The following HTT variants were observed in gnomAD, a reference collection of about 807,000 sequenced individuals.
HTT encodes the protein huntington disease protein.
HTT carries 104 observed loss-of-function variants against 362.3 expected under a neutral mutation model. That is an observed-to-expected ratio of 0.29 (90% CI 0.24 to 0.34). HTT has a LOEUF of 0.34. Ranked by LOEUF, HTT falls within the 10% of genes least tolerant of loss-of-function variation. HTT has a pLI of 1.00. For synonymous variants in HTT, 1,577 were observed against 1,548.7 expected (o/e 1.02, Z -0.43); for missense variants, 3,301 against 3,928.6 (o/e 0.84, Z 4.27).
At chr4:3,239,799 C>T (rs1460735862) in intron 66 of HTT, 47 bp from the exon 67 acceptor site, 1 of 1,401,440 alleles carries the variant, frequency 7.1e-7, no homozygotes, top group Non-Finnish European at 9.9e-7. Context: ...GACAGGGAGG[C>T]AGCATTCCCC....
chr4:3,121,649 G>T (rs894446329), intron 9 of HTT: 9 of 322,530 alleles, frequency 2.8e-5, no homozygotes, highest in Non-Finnish European at 1.1e-5. Context: ...GATCGCTTCA[G>T]CCCAGGAGTT....
chr4:3,188,101 C>A, intron 39 of HTT: 1 of 494,138 alleles, frequency 2.0e-6, no homozygotes, highest in Non-Finnish European at 3.6e-6. Context: ...GTCTCTTGTC[C>A]TCAGTAGAGA....
chr4:3,120,915 C>T (rs745375976), intron 8 of HTT, among the ~76,000 whole-genome samples: 3 of 152,158 alleles, frequency 2.0e-5, no homozygotes, highest in Non-Finnish European at 2.9e-5. Flanking sequence ...CTCTCCCCTC[C>T]GTGTATGCTG....
chr4:3,167,966 C>T (rs183306826), intron 29 of HTT, among the ~76,000 whole-genome samples: 26 of 152,218 alleles, frequency 1.7e-4, no homozygotes, highest in Non-Finnish European at 3.1e-4. Context: ...TTAGCTTTCT[C>T]GCATATCCTT....
At chr4:3,213,643 G>A (rs1720263897) in intron 49 of HTT, among the ~76,000 whole-genome samples, 1 of 152,206 alleles carries the variant, frequency 6.6e-6, no homozygotes, top group Admixed American at 6.5e-5. Flanking sequence ...GGTGCTGTGG[G>A]AGCCCCAAGG....
intron 35 of HTT, among the ~76,000 whole-genome samples, chr4:3,180,126 G>A (rs1467030262): frequency 6.6e-6 from 1 of 151,630 alleles, no homozygotes; most frequent in African/African-American, 2.4e-5. Flanking sequence ...AATGTATTAT[G>A]TGGAAGTCTT....
At chr4:3,096,846 C>A (rs934207314) in intron 2 of HTT, among the ~76,000 whole-genome samples, 1 of 152,160 alleles carries the variant, frequency 6.6e-6, no homozygotes, top group Admixed American at 6.5e-5. Flanking sequence ...GGGCCAGGTA[C>A]GGTGGCTTAT....
At chr4:3,090,142 C>G (rs1418555155) in intron 2 of HTT, among the ~76,000 whole-genome samples, 1 of 152,140 alleles carries the variant, frequency 6.6e-6, no homozygotes, top group Non-Finnish European at 1.5e-5. Context: ...TTGTGCTAGA[C>G]TAATTTTTGT....
chr4:3,230,220 G>A (rs899582209), intron 60 of HTT, among the ~76,000 whole-genome samples, 178 bp downstream of exon 60: 1 of 152,194 alleles, frequency 6.6e-6, no homozygotes, highest in African/African-American at 2.4e-5. Context: ...GTTCAGCGAC[G>A]GTCAGTGCCA....
chr4:3,105,956 C>G (rs1035308478), intron 5 of HTT, among the ~76,000 whole-genome samples: 1 of 152,318 alleles, frequency 6.6e-6, no homozygotes, highest in Non-Finnish European at 1.5e-5. Context: ...CATCAGCTCC[C>G]TCCTTCTCCT....
At position 3,107,440 on chromosome 4, in the gene HTT, A is replaced by G. The variant is rs1471046084; in HGVS notation, c.747+17A>G. ...GAAATTAAGGTATGATTGTTGCCTC[A>G]GGTCACAAACATGCGAGTGATGCTG... On this transcript the variant is annotated intron_variant, in intron 6 of 66. Coordinates refer to ENST00000355072, the MANE Select transcript of HTT (RefSeq NM_001388492.1). The G allele has an allele frequency of 6.2e-7, 1 of 1,613,820 alleles. No individual in the cohort carries two copies. Among genetic ancestry groups the G allele is most frequent in the Non-Finnish European group, 8.5e-7 (1 of 1,179,724 alleles).
chr4:3,175,305 C>T (rs1718188000), intron 33 of HTT, among the ~76,000 whole-genome samples, 198 bp downstream of exon 33: 1 of 152,204 alleles, frequency 6.6e-6, no homozygotes, highest in South Asian at 2.1e-4. Flanking sequence ...GCATCCTTGC[C>T]CCAGCTCCCT....
At chr4:3,222,514 C>T in intron 54 of HTT, 27 bp downstream of exon 54, 1 of 1,574,002 alleles carries the variant, frequency 6.4e-7, no homozygotes, top group Non-Finnish European at 8.7e-7. Context: ...TGCTGGTTGG[C>T]ACATGGGCAG....
At chr4:3,145,494 T>G (rs1024513885) in intron 24 of HTT, among the ~76,000 whole-genome samples, 2 of 152,338 alleles carry the variant, frequency 1.3e-5, no homozygotes, top group South Asian at 4.1e-4. Flanking sequence ...TTTCATATGC[T>G]GGCAAAAGGC....
chr4:3,228,975 C>T lies in HTT; in HGVS notation c.8075C>T (p.Thr2692Ile), dbSNP rs1294475609. Reference sequence around the variant, plus strand: ...CTGCCGTCCAGCTCAGCCAGGAGGACCCCGGCCATCCTGATCAGTGAGGTG... The same window carrying T: ...CTGCCGTCCAGCTCAGCCAGGAGGATCCCGGCCATCCTGATCAGTGAGGTG... ...WILPSSSARRTPAILISEVVR... is the reference protein window; with the variant it reads ...WILPSSSARRIPAILISEVVR... Residue 2692 changes from threonine to isoleucine, a missense_variant, in exon 59 of 67, where the codon ACC (threonine) becomes ATC (isoleucine). Around this residue, in one of 4 missense-constraint regions of HTT, gnomAD observed 753 missense variants for 1,021.3 expected, o/e 0.74. Transcript: ENST00000355072. This position sits in a 1 kb window ranked among gnomAD's most constrained non-coding sequence, Gnocchi z 4.3. 6.2e-7 allele frequency: 1 copy of T among 1,613,616 alleles called. No individual in the cohort carries two copies. The highest frequency in any genetic ancestry group is 1.3e-5 in the African/African-American group (1 of 74,830).
At chr4:3,084,534 A>G (rs191500849) in intron 1 of HTT, among the ~76,000 whole-genome samples, 64 of 152,070 alleles carry the variant, frequency 4.2e-4, no homozygotes, top group African/African-American at 1.3e-3. Context: ...GACTAAAAAT[A>G]CAAAAATTAG....
intron 64 of HTT, among the ~76,000 whole-genome samples, chr4:3,236,573 G>T (rs548567584): frequency 1.3e-5 from 2 of 152,316 alleles, no homozygotes; most frequent in African/African-American, 4.8e-5. Context: ...CTCTGGGAGG[G>T]TGGGGCAGAA....
intron 6 of HTT, among the ~76,000 whole-genome samples, chr4:3,112,063 C>T (rs1714781540): frequency 6.6e-6 from 1 of 152,192 alleles, no homozygotes; most frequent in African/African-American, 2.4e-5. Flanking sequence ...TTTGTTGACA[C>T]CCGTAGTCTG....
chr4:3,118,560 G>T (rs578246644), intron 8 of HTT, among the ~76,000 whole-genome samples: 1 of 152,336 alleles, frequency 6.6e-6, no homozygotes, highest in East Asian at 1.9e-4. Context: ...GCACACGAGT[G>T]TGGGTGCGTA....
Sources: allele counts gnomAD v4.1 joint callset (sites outside exome capture counted in the v4.1 genomes callset), GRCh38; gene constraint gnomAD v4.1.1; regional missense constraint gnomAD v4.1.1; non-coding constraint Gnocchi (gnomAD v3.1); transcripts MANE v1.5; gene names NCBI Gene and HGNC (gene_info 2026-07-23, HGNC 2026-07-21).